The following UBR2 variants were observed in gnomAD, a reference collection of about 807,000 sequenced individuals.
UBR2 encodes the protein E3 ubiquitin-protein ligase UBR2.
Under a neutral mutation model 247.9 loss-of-function variants are expected in UBR2, and 92 were observed. That is an observed-to-expected ratio of 0.37 (90% confidence interval 0.31 to 0.44). The LOEUF (loss-of-function observed/expected upper bound fraction) is 0.44. UBR2 is among the 20% of genes least tolerant of loss of function. The pLI is 1.00. For synonymous variants in UBR2, 672 were observed against 693.5 expected, an observed-to-expected ratio of 0.97 and a Z score of 0.49; for missense variants, 1,613 against 2,112.6, an observed-to-expected ratio of 0.76 and a Z score of 4.64.
At position 42,658,308 on chromosome 6, in the gene UBR2, C is replaced by T. The variant is rs754935280; in HGVS notation, c.3051C>T (p.Thr1017=). The T allele has an allele frequency of 1.9e-6, 3 of 1,613,210 alleles. No homozygotes were observed. The African/African-American group carries it at 4.0e-5, about 22-fold the overall frequency. The change falls in exon 28 of 47, where the codon ACC becomes ACT. Residue 1017 remains threonine (T), a synonymous_variant. Transcript: ENST00000372901. ...PTSPVAETEG[T]IMEESSRDKD... is the part of the protein sequence containing the mutation. ...GTCCCGTGGCAGAGACAGAAGGAAC[C>T]ATAATGGAAGAGGTATAAACAGTAA...
chr6:42,579,254 A>C (rs935142944), intron 2 of UBR2, among the ~76,000 whole-genome samples: 7 of 152,134 alleles, frequency 4.6e-5, no homozygotes, highest in Non-Finnish European at 1.5e-5. Context: ...CAGGAACAAG[A>C]GGTGAGGAGG....
chr6:42,676,244 GT>G lies in UBR2; in HGVS notation c.4387+57del, dbSNP rs912048637. 7.3e-6 allele frequency: 11 copies of G among 1,497,876 alleles called. 1 individual carries two copies. In the Admixed American group the frequency reaches 1.2e-4, roughly 17 times the overall value. 92.8% of individuals were successfully genotyped at this position (1,497,876 alleles called of 1,614,324 possible). A position where few individuals can be genotyped will look rare whatever the true frequency, so the allele number is the denominator to read the frequency against. On this transcript the variant is annotated intron_variant, in intron 39 of 46. Coordinates refer to ENST00000372901, the MANE Select transcript of UBR2 (RefSeq NM_001363705.2). ...TGAAGGAAATACTTGAGTTTTCTGA[GT>G]TTTAAAAAAAGTATTAGAGGAAAAG...
intron 1 of UBR2, 50 bp downstream of exon 1, chr6:42,564,447 T>G: frequency 6.3e-7 from 1 of 1,578,308 alleles, no homozygotes; most frequent in Non-Finnish European, 8.6e-7. Flanking sequence ...AGGCCGCGCC[T>G]GTGGGGAGGA....
intron 4 of UBR2, 112 bp downstream of exon 4, chr6:42,594,416 T>A: frequency 1.3e-6 from 1 of 759,102 alleles, no homozygotes; most frequent in Non-Finnish European, 2.1e-6. Flanking sequence ...CTATTGACAG[T>A]GACTAGTTTA....
chr6:42,674,278 G>A, intron 38 of UBR2, 85 bp downstream of exon 38: 1 of 1,264,338 alleles, frequency 7.9e-7, no homozygotes, highest in Non-Finnish European at 1.1e-6. Context: ...GTGGCAGACA[G>A]GAAGGAGTTA....
intron 28 of UBR2, 132 bp from the exon 29 acceptor site, chr6:42,658,514 T>G (rs1257747384): frequency 2.6e-6 from 3 of 1,142,504 alleles, no homozygotes; most frequent in Non-Finnish European, 3.6e-6. Context: ...TTTAAGAGTC[T>G]TTTCTCTTAT....
Position 42,631,967 on chromosome 6 carries a change from G to A in UBR2, c.1282-585G>A, listed in dbSNP as rs193144484. On this transcript the variant is annotated intron_variant, in intron 11 of 46. Transcript: ENST00000372901. ...TCTGCAAGAATATGCAAGGAACTACGATTAACAAGATTTGCCTTTAGAAAG... is the reference window on the plus strand; with the variant it reads ...TCTGCAAGAATATGCAAGGAACTACAATTAACAAGATTTGCCTTTAGAAAG... 3.2e-3 allele frequency among the ~76,000 whole-genome samples: 450 copies of A among 139,358 alleles called. 4 individuals are homozygous for A. Among genetic ancestry groups the A allele is most frequent in the Non-Finnish European group, 3.5e-3 (228 of 65,562 alleles). The allele number at this position is 139,358 out of a possible 152,430, so 91.4% of individuals were successfully genotyped here.
chr6:42,585,193 T>A (rs1159307177), intron 2 of UBR2, among the ~76,000 whole-genome samples: 1 of 152,236 alleles, frequency 6.6e-6, no homozygotes, highest in Non-Finnish European at 1.5e-5. Context: ...CTTTACTGCA[T>A]CTATTGAGAT....
intron 14 of UBR2, among the ~76,000 whole-genome samples, chr6:42,636,116 T>C (rs991534753): frequency 2.6e-5 from 4 of 151,430 alleles, no homozygotes; most frequent in African/African-American, 7.3e-5. Flanking sequence ...AGCACAGAAG[T>C]AGAGAACAGA....
intron 2 of UBR2, among the ~76,000 whole-genome samples, 182 bp from the exon 3 acceptor site, chr6:42,591,969 T>A (rs548560833): frequency 6.6e-6 from 1 of 152,292 alleles, no homozygotes; most frequent in East Asian, 1.9e-4. Flanking sequence ...GAGACGCAGG[T>A]CCTTAAACTG....
chr6:42,599,703 A>G (rs528470852), intron 4 of UBR2, among the ~76,000 whole-genome samples: 2 of 152,088 alleles, frequency 1.3e-5, no homozygotes, highest in East Asian at 3.9e-4. Flanking sequence ...AGGCTGAAGT[A>G]GAGTGGTGCA....
intron 5 of UBR2, among the ~76,000 whole-genome samples, chr6:42,604,418 C>G (rs562179121): frequency 3.3e-5 from 5 of 152,116 alleles, no homozygotes; most frequent in African/African-American, 9.6e-5. Flanking sequence ...TTTTTGCTTT[C>G]TCAATTGTGT....
At chr6:42,577,471 G>A (rs1293973230) in intron 2 of UBR2, among the ~76,000 whole-genome samples, 2 of 152,084 alleles carry the variant, frequency 1.3e-5, no homozygotes, top group East Asian at 1.9e-4. Context: ...TACTTTTTGT[G>A]TACTCTATTA....
chr6:42,666,704 C>T (rs774882278), intron 34 of UBR2, among the ~76,000 whole-genome samples: 4 of 152,106 alleles, frequency 2.6e-5, no homozygotes, highest in Non-Finnish European at 4.4e-5. Flanking sequence ...CAATGAATCC[C>T]GCACTTCCGT....
intron 23 of UBR2, 122 bp downstream of exon 23, chr6:42,650,508 T>G (rs1423548127): frequency 1.2e-5 from 9 of 731,632 alleles, no homozygotes; most frequent in Non-Finnish European, 1.9e-5. Flanking sequence ...TATAGAGCAT[T>G]GCAACCTCAA....
intron 2 of UBR2, among the ~76,000 whole-genome samples, chr6:42,591,198 GC>G (rs1288354494): frequency 6.6e-6 from 1 of 152,216 alleles, no homozygotes; most frequent in Non-Finnish European, 1.5e-5. Context: ...GCTGCAGTGA[GC>G]CATGAGCATG....
chr6:42,619,441 ATATATATATATAT>A (rs1351835686), intron 11 of UBR2: 3 of 26,642 alleles, frequency 1.1e-4, no homozygotes, highest in Non-Finnish European at 2.2e-4. Context: ...ATATATATAT[ATATATATATATAT>A]TTTTTTTTTT....
At position 42,644,177 on chromosome 6, in the gene UBR2, C is replaced by T. The variant is rs572758065; in HGVS notation, c.2098-37C>T. ...CAATAGTGGCCCCTTTGACCTTCCT[C>T]TTTTCCTTTATCTCAAACATTAAAA... On this transcript the variant is annotated intron_variant, in intron 18 of 46. Transcript: ENST00000372901. 46 of 1,571,706 alleles carry T rather than the reference C, an allele frequency of 2.9e-5. No homozygotes were observed. In the East Asian group the frequency reaches 9.7e-4, roughly 33 times the overall value.
intron 1 of UBR2, among the ~76,000 whole-genome samples, chr6:42,566,631 G>A (rs918845936): frequency 6.6e-6 from 1 of 152,030 alleles, no homozygotes; most frequent in African/African-American, 2.4e-5. Flanking sequence ...CAGGTTATCC[G>A]TCCGCCTTGG....
Sources: allele counts gnomAD v4.1 joint callset (sites outside exome capture counted in the v4.1 genomes callset), GRCh38; gene constraint gnomAD v4.1.1; transcripts MANE v1.5; gene names NCBI Gene and HGNC (gene_info 2026-07-23, HGNC 2026-07-21).